LRP1B: variants seen among roughly 807,000 people sequenced by gnomAD.
LRP1B encodes the protein low-density lipoprotein receptor-related protein 1B.
LRP1B carries 217 observed loss-of-function variants against 556.6 expected under a neutral mutation model. The ratio of observed to expected loss-of-function variants is 0.39; its 90% CI spans 0.35 to 0.44. The LOEUF (loss-of-function observed/expected upper bound fraction) is 0.44. Ranked by LOEUF, LRP1B falls within the 20% of genes least tolerant of loss-of-function variation. The probability of loss-of-function intolerance (pLI) is 1.00; values close to 1 mark genes in which losing one functional copy is unlikely to be tolerated. For missense variants in LRP1B, 5,053 were observed against 5,620.8 expected (o/e 0.90, Z 3.23); for synonymous variants, 2,047 against 1,865.8 (o/e 1.10, Z -2.50).
intron 2 of LRP1B, among the ~76,000 whole-genome samples, chr2:141,501,284 G>A (rs1683700844): frequency 6.6e-6 from 1 of 152,058 alleles, no homozygotes; most frequent in Non-Finnish European, 1.5e-5. Context: ...GAAAATAGGT[G>A]TATGTGGTAT....
At chr2:141,300,917 T>C (rs908263328) in intron 3 of LRP1B, among the ~76,000 whole-genome samples, 4 of 152,148 alleles carry the variant, frequency 2.6e-5, no homozygotes, top group South Asian at 2.1e-4. Flanking sequence ...AACAGTGTTA[T>C]ATGATGTCTG....
chr2:141,063,109 C>G (rs1365008454), intron 7 of LRP1B, among the ~76,000 whole-genome samples: 1 of 151,666 alleles, frequency 6.6e-6, no homozygotes, highest in Non-Finnish European at 1.5e-5. Context: ...AACAAGATTA[C>G]CCACTCATGA....
intron 2 of LRP1B, among the ~76,000 whole-genome samples, chr2:141,696,260 T>C (rs1008886169): frequency 3.9e-5 from 6 of 151,912 alleles, no homozygotes; most frequent in Admixed American, 1.3e-4. Flanking sequence ...AAATCAAACA[T>C]AGGGTGCTTA....
intron 1 of LRP1B, among the ~76,000 whole-genome samples, chr2:142,041,508 G>C (rs1280882624): frequency 6.6e-6 from 1 of 151,390 alleles, no homozygotes; most frequent in Non-Finnish European, 1.5e-5. Flanking sequence ...TATGAATGAA[G>C]AAACAAACCC....
intron 1 of LRP1B, among the ~76,000 whole-genome samples, chr2:141,918,308 C>T (rs1175075639): frequency 6.6e-6 from 1 of 151,962 alleles, no homozygotes; most frequent in Non-Finnish European, 1.5e-5. Context: ...AGAAAATCAA[C>T]TTCATGACAT....
intron 17 of LRP1B, among the ~76,000 whole-genome samples, chr2:140,984,323 T>A (rs11886706): frequency 0.081 from 12,258 of 151,964 alleles, 729 homozygotes; most frequent in African/African-American, 0.16. Flanking sequence ...TTTCTTTTTC[T>A]TTTCCATACC....
At chr2:140,921,171 T>C (rs747233192) in intron 21 of LRP1B, among the ~76,000 whole-genome samples, 39 of 152,124 alleles carry the variant, frequency 2.6e-4, no homozygotes, top group Admixed American at 1.3e-4. Flanking sequence ...ATACATAGCT[T>C]TGAGAATTTA....
chr2:140,631,195 C>T (rs1434895276), intron 41 of LRP1B, among the ~76,000 whole-genome samples: 2 of 152,098 alleles, frequency 1.3e-5, no homozygotes, highest in African/African-American at 4.8e-5. Context: ...CATAAAACCA[C>T]ACACACACTA....
At chr2:140,506,557 A>G (rs1689421892) in intron 53 of LRP1B, among the ~76,000 whole-genome samples, 1 of 152,178 alleles carries the variant, frequency 6.6e-6, no homozygotes, top group African/African-American at 2.4e-5. Context: ...AGACATTTTT[A>G]TAAACATTTT....
At chr2:140,829,944 T>C (rs746813328) in intron 31 of LRP1B, among the ~76,000 whole-genome samples, 12 of 151,830 alleles carry the variant, frequency 7.9e-5, no homozygotes, top group South Asian at 2.1e-4. Context: ...TGATACCACA[T>C]AAATACAAAT....
intron 2 of LRP1B, among the ~76,000 whole-genome samples, chr2:141,809,744 C>T (rs985845042): frequency 4.6e-5 from 7 of 151,986 alleles, no homozygotes; most frequent in African/African-American, 1.7e-4. Flanking sequence ...AAGTTTCTAT[C>T]TATCTTTCAG....
intron 6 of LRP1B, among the ~76,000 whole-genome samples, chr2:141,191,680 C>CTTT (rs11394147): frequency 9.2e-4 from 137 of 148,218 alleles, no homozygotes; most frequent in African/African-American, 1.8e-3. Context: ...CAAAAATAAG[C>CTTT]TTTTTTTTTT....
intron 83 of LRP1B, among the ~76,000 whole-genome samples, chr2:140,306,444 G>A (rs1350635136): frequency 6.6e-6 from 1 of 152,066 alleles, no homozygotes; most frequent in Non-Finnish European, 1.5e-5. Flanking sequence ...TTTGCATAGA[G>A]GTGTTTATAG....
intron 1 of LRP1B, among the ~76,000 whole-genome samples, chr2:142,054,248 A>G (rs1341179694): frequency 1.3e-5 from 2 of 152,192 alleles, no homozygotes; most frequent in African/African-American, 4.8e-5. Flanking sequence ...CTTCAAGGAA[A>G]ATGAAAAACA....
At chr2:140,877,954 C>T (rs1017422774) in intron 25 of LRP1B, among the ~76,000 whole-genome samples, 1 of 152,134 alleles carries the variant, frequency 6.6e-6, no homozygotes, top group African/African-American at 2.4e-5. Context: ...TCACAGACAG[C>T]TTTAGTTCTA....
chr2:141,696,369 T>C (rs1015278949), intron 2 of LRP1B, among the ~76,000 whole-genome samples: 1 of 152,166 alleles, frequency 6.6e-6, no homozygotes. Flanking sequence ...GCAGAAATTA[T>C]ATGTTACTTT....
At chr2:140,904,355 T>C (rs74428172) in intron 22 of LRP1B, among the ~76,000 whole-genome samples, 6,023 of 152,172 alleles carry the variant, frequency 0.04, 186 homozygotes, top group South Asian at 0.1. Flanking sequence ...GCTTTAAAAA[T>C]ATTTTCAAGT....
intron 3 of LRP1B, among the ~76,000 whole-genome samples, chr2:141,391,501 A>G (rs1690048963): frequency 6.6e-6 from 1 of 151,590 alleles, no homozygotes; most frequent in Admixed American, 6.6e-5. Flanking sequence ...AACTTCAATA[A>G]GGTTGGAAAA....
intron 3 of LRP1B, among the ~76,000 whole-genome samples, chr2:141,420,506 G>A (rs552113138): frequency 2.6e-5 from 4 of 152,154 alleles, no homozygotes; most frequent in African/African-American, 7.2e-5. Flanking sequence ...CCAAAAGCTC[G>A]TAAGTTTTTG....
Sources: gnomAD v4.1 joint callset for allele counts (sites outside exome capture counted in the v4.1 genomes callset) on GRCh38, gnomAD v4.1.1 for gene constraint, MANE v1.5 for transcripts, NCBI Gene and HGNC (gene_info 2026-07-23, HGNC 2026-07-21) for gene names.